Variants in KCNQ5 observed in about 807,000 individuals in gnomAD.
The protein encoded by KCNQ5 is potassium voltage-gated channel subfamily KQT member 5.
Under a neutral mutation model 98.2 loss-of-function variants are expected in KCNQ5, and 30 were observed. The ratio of observed to expected loss-of-function variants is 0.31; its 90% CI spans 0.23 to 0.41. KCNQ5 has a LOEUF of 0.41. Ranked by LOEUF, KCNQ5 falls within the 10% of genes least tolerant of loss-of-function variation. The pLI is 1.00. For synonymous variants in KCNQ5, 458 were observed against 449.4 expected (o/e 1.02, Z -0.24); for missense variants, 835 against 1,182.5 (o/e 0.71, Z 4.31).
At chr6:72,733,391 A>G (rs1770655239) in intron 1 of KCNQ5, among the ~76,000 whole-genome samples, 1 of 152,252 alleles carries the variant, frequency 6.6e-6, no homozygotes, top group Non-Finnish European at 1.5e-5. Context: ...TAAAAAGATC[A>G]TTGAGGAACA....
At chr6:72,718,181 C>T (rs1204889083) in intron 1 of KCNQ5, among the ~76,000 whole-genome samples, 2 of 152,128 alleles carry the variant, frequency 1.3e-5, no homozygotes, top group African/African-American at 4.8e-5. Context: ...AACTGAGGTT[C>T]CCTTGGCAGT....
intron 10 of KCNQ5, among the ~76,000 whole-genome samples, chr6:73,151,745 G>A (rs1777159639): frequency 6.6e-6 from 1 of 152,142 alleles, no homozygotes; most frequent in Non-Finnish European, 1.5e-5. Flanking sequence ...CTACTGCACA[G>A]CCATTATCTT....
At chr6:73,136,980 C>A (rs1020825528) in intron 10 of KCNQ5, among the ~76,000 whole-genome samples, 1 of 152,102 alleles carries the variant, frequency 6.6e-6, no homozygotes, top group African/African-American at 2.4e-5. Flanking sequence ...TGCCCATTAA[C>A]ATGCTCAGGA....
intron 1 of KCNQ5, among the ~76,000 whole-genome samples, chr6:72,911,119 A>G (rs1562062554): frequency 6.6e-6 from 1 of 152,156 alleles, no homozygotes; most frequent in Non-Finnish European, 1.5e-5. Flanking sequence ...TGACAAGACG[A>G]GATTTATGTT....
chr6:72,629,006 A>G (rs1367948747), intron 1 of KCNQ5, among the ~76,000 whole-genome samples: 2 of 152,038 alleles, frequency 1.3e-5, no homozygotes, highest in Non-Finnish European at 2.9e-5. Context: ...CTCAACCCCA[A>G]TTCTTTAAAG....
intron 1 of KCNQ5, among the ~76,000 whole-genome samples, chr6:72,747,683 A>C (rs1006199422): frequency 3.3e-5 from 5 of 152,180 alleles, no homozygotes; most frequent in African/African-American, 4.8e-5. Flanking sequence ...CCTGTCCTCA[A>C]TGATATTCAG....
chr6:72,811,472 A>G (rs965937988), intron 1 of KCNQ5, among the ~76,000 whole-genome samples: 1 of 152,196 alleles, frequency 6.6e-6, no homozygotes, highest in African/African-American at 2.4e-5. Flanking sequence ...CTGTTTGTGG[A>G]TAAGTATACC....
At chr6:73,001,874 C>G (rs1381304961) in intron 1 of KCNQ5, among the ~76,000 whole-genome samples, 1 of 152,122 alleles carries the variant, frequency 6.6e-6, no homozygotes, top group South Asian at 2.1e-4. Context: ...GCCAGACACA[C>G]TTTGGGAGGC....
intron 1 of KCNQ5, among the ~76,000 whole-genome samples, chr6:72,979,529 T>A (rs1382706543): frequency 6.6e-6 from 1 of 152,212 alleles, no homozygotes. Flanking sequence ...GTTGTTTGAT[T>A]TTTTTCTTGT....
At chr6:72,804,913 C>T (rs1365014547) in intron 1 of KCNQ5, among the ~76,000 whole-genome samples, 1 of 152,066 alleles carries the variant, frequency 6.6e-6, no homozygotes, top group South Asian at 2.1e-4. Flanking sequence ...TCTCTAATAA[C>T]CAGTGATTTG....
chr6:72,712,826 T>C (rs1769435929), intron 1 of KCNQ5, among the ~76,000 whole-genome samples: 1 of 148,184 alleles, frequency 6.7e-6, no homozygotes, highest in African/African-American at 2.6e-5. Flanking sequence ...ACCACATAAT[T>C]TGAGTCATAA....
intron 1 of KCNQ5, among the ~76,000 whole-genome samples, chr6:72,769,723 T>C (rs1245972854): frequency 1.3e-5 from 2 of 152,156 alleles, no homozygotes; most frequent in African/African-American, 4.8e-5. Context: ...CTACACCTTC[T>C]GAAACTTCTT....
intron 1 of KCNQ5, among the ~76,000 whole-genome samples, chr6:72,711,160 G>A (rs1013691113): frequency 1.3e-5 from 2 of 151,962 alleles, no homozygotes; most frequent in Non-Finnish European, 2.9e-5. Flanking sequence ...AATAGGACTG[G>A]TGTCCTCCTT....
intron 1 of KCNQ5, among the ~76,000 whole-genome samples, chr6:72,625,727 G>A (rs1164077879): frequency 6.6e-6 from 1 of 152,198 alleles, no homozygotes; most frequent in African/African-American, 2.4e-5. Context: ...ACCCAAGCTA[G>A]GAGCTCTGAA....
intron 1 of KCNQ5, among the ~76,000 whole-genome samples, chr6:72,802,332 A>G (rs896541409): frequency 1.3e-5 from 2 of 152,096 alleles, no homozygotes; most frequent in Non-Finnish European, 2.9e-5. Flanking sequence ...GTTTCTTTTT[A>G]TTCTTTTTTC....
At chr6:72,872,116 T>A (rs1778234782) in intron 1 of KCNQ5, among the ~76,000 whole-genome samples, 1 of 152,150 alleles carries the variant, frequency 6.6e-6, no homozygotes, top group South Asian at 2.1e-4. Context: ...GAAGAGAAAA[T>A]GATTTTATGT....
chr6:73,095,042 T>C (rs983925618), intron 5 of KCNQ5, among the ~76,000 whole-genome samples: 1 of 152,212 alleles, frequency 6.6e-6, no homozygotes, highest in Non-Finnish European at 1.5e-5. Context: ...TTTCTCTTCT[T>C]CCTCAAGAAC....
chr6:73,191,842 G>T (rs1301104779), intron 12 of KCNQ5, among the ~76,000 whole-genome samples: 1 of 152,116 alleles, frequency 6.6e-6, no homozygotes, highest in Non-Finnish European at 1.5e-5. Flanking sequence ...AAAGTAAACT[G>T]GAAAGTTGTC....
At chr6:72,853,932 A>C (rs1777408527) in intron 1 of KCNQ5, among the ~76,000 whole-genome samples, 1 of 152,348 alleles carries the variant, frequency 6.6e-6, no homozygotes, top group South Asian at 2.1e-4. Flanking sequence ...TGAAACTTAA[A>C]GGTATATTTA....
Sources: allele counts gnomAD v4.1 joint callset (sites outside exome capture counted in the v4.1 genomes callset), GRCh38; gene constraint gnomAD v4.1.1; transcripts MANE v1.5; gene names NCBI Gene and HGNC (gene_info 2026-07-23, HGNC 2026-07-21).